The following IQGAP2 variants were observed in gnomAD, a reference collection of about 807,000 sequenced individuals.
The protein encoded by IQGAP2 is IQ motif containing GTPase activating protein 2, also known as ras GTPase-activating-like protein IQGAP2.
Under a neutral mutation model 201.3 loss-of-function variants are expected in IQGAP2, and 173 were observed. The observed-to-expected ratio is 0.86, with a 90% CI of 0.76 to 0.98. IQGAP2 has a LOEUF of 0.98. Among genes scored for constraint, IQGAP2 ranks in the 50% least tolerant of loss-of-function variants. The pLI, the probability that IQGAP2 is intolerant of heterozygous loss-of-function variation, is 0.00. For synonymous variants in IQGAP2, 675 were observed against 673.9 expected (o/e 1.00, Z -0.03); for missense variants, 1,687 against 1,864.8 (o/e 0.90, Z 1.76).
intron 2 of IQGAP2, among the ~76,000 whole-genome samples, chr5:76,511,242 G>A (rs187150038): frequency 2.6e-5 from 4 of 151,596 alleles, no homozygotes; most frequent in Non-Finnish European, 4.4e-5. Flanking sequence ...TTCAACAGCT[G>A]TGTGATGGTA....
At chr5:76,619,677 T>C (rs1433918928) in intron 13 of IQGAP2, among the ~76,000 whole-genome samples, 1 of 152,008 alleles carries the variant, frequency 6.6e-6, no homozygotes, top group Non-Finnish European at 1.5e-5. Flanking sequence ...CCACCAGGCC[T>C]GGCTAATTTT....
intron 10 of IQGAP2, among the ~76,000 whole-genome samples, chr5:76,598,170 A>C (rs181440755): frequency 6.6e-6 from 1 of 152,356 alleles, no homozygotes; most frequent in Admixed American, 6.5e-5. Context: ...TTCAGCATAT[A>C]ACAAGGCTCG....
In IQGAP2 at chr5:76,403,919, G is replaced by T. The variant is rs982694250; in HGVS notation, c.46+328G>T. ...GGGTATCAGGTGAGGAGTCCGCGGA[G>T]CTCCGGGTCGCCGCCGGCTTGGGCC... On this transcript the variant is annotated intron_variant, in intron 1 of 35. Coordinates refer to ENST00000274364, the MANE Select transcript of IQGAP2 (RefSeq NM_006633.5). This position sits in a 1 kb window ranked among gnomAD's most constrained non-coding sequence, Gnocchi z 4.8. Among the ~76,000 whole-genome samples the T allele has an allele frequency of 4.9e-4, 74 of 152,296 alleles. No individual in the cohort carries two copies. The highest frequency in any genetic ancestry group is 9.0e-4 in the Non-Finnish European group (61 of 68,006).
chr5:76,673,618 T>C (rs1402143315), intron 25 of IQGAP2, 29 bp downstream of exon 25: 11 of 1,609,952 alleles, frequency 6.8e-6, no homozygotes, highest in African/African-American at 1.3e-5. Flanking sequence ...AAGTTTAACA[T>C]TCTTTCCTGG....
At chr5:76,706,861 A>T (rs1747949466) in intron 35 of IQGAP2, among the ~76,000 whole-genome samples, 1 of 152,218 alleles carries the variant, frequency 6.6e-6, no homozygotes, top group Non-Finnish European at 1.5e-5. Flanking sequence ...CCCACCAGAG[A>T]GCTACATAAC....
chr5:76,488,711 G>C (rs1421700420), intron 2 of IQGAP2, among the ~76,000 whole-genome samples: 1 of 152,188 alleles, frequency 6.6e-6, no homozygotes, highest in Non-Finnish European at 1.5e-5. Flanking sequence ...GTTGCCTCAA[G>C]GAGAGAGGTT....
Position 76,403,538 on chromosome 5 carries a change from C to G in IQGAP2, c.-8C>G. The G allele has an allele frequency of 6.6e-7, 1 of 1,506,974 alleles. No homozygotes were observed. The highest frequency in any genetic ancestry group is 8.8e-7 in the Non-Finnish European group (1 of 1,134,680). The allele number at this position is 1,506,974 out of a possible 1,614,324, so 93.4% of individuals were successfully genotyped here. A position where few individuals can be genotyped will look rare whatever the true frequency, so the allele number is the denominator to read the frequency against. ...CGCGCCCCGGGCGGGCCCCCGGAGA[C>G]GCGCAGGATGCCACACGAAGAGCTG... is the stretch of plus-strand genomic sequence containing the variant. On this transcript the variant is annotated 5_prime_UTR_variant, in exon 1 of 36. Coordinates refer to ENST00000274364, the MANE Select transcript of IQGAP2 (RefSeq NM_006633.5). The surrounding 1 kb of genome is among the most constrained non-coding windows in gnomAD (Gnocchi z 4.8).
At chr5:76,496,710 T>TTC (rs1279917071) in intron 2 of IQGAP2, among the ~76,000 whole-genome samples, 1 of 16,104 alleles carries the variant, frequency 6.2e-5, no homozygotes, top group Non-Finnish European at 1.3e-4. Flanking sequence ...GTCTCTTTCT[T>TTC]TCTTTCTTTC....
intron 8 of IQGAP2, 88 bp downstream of exon 8, chr5:76,590,674 TAAATC>T (rs1746583058): frequency 2.6e-5 from 26 of 988,590 alleles, no homozygotes; most frequent in Non-Finnish European, 3.8e-5. Flanking sequence ...GCAATACTTT[TAAATC>T]AATTGGCTAT....
At chr5:76,437,062 T>C (rs993829472) in intron 1 of IQGAP2, among the ~76,000 whole-genome samples, 1 of 151,968 alleles carries the variant, frequency 6.6e-6, no homozygotes, top group Admixed American at 6.6e-5. Flanking sequence ...TTATCTTTTT[T>C]TTTTCTTAAG....
chr5:76,424,713 A>G (rs1220696736), intron 1 of IQGAP2, among the ~76,000 whole-genome samples: 1 of 152,052 alleles, frequency 6.6e-6, no homozygotes, highest in African/African-American at 2.4e-5. Flanking sequence ...CAGGGAGCTG[A>G]TTTTCTGGGA....
chr5:76,583,910 T>C (rs1746055297), intron 5 of IQGAP2, among the ~76,000 whole-genome samples: 1 of 152,084 alleles, frequency 6.6e-6, no homozygotes. Context: ...TCTTGCTCTG[T>C]TGCCCAGGAT....
chr5:76,571,693 T>G (rs1488818598), intron 4 of IQGAP2, among the ~76,000 whole-genome samples: 1 of 152,224 alleles, frequency 6.6e-6, no homozygotes, highest in Non-Finnish European at 1.5e-5. Context: ...ATTGTAGAAC[T>G]ATTTTTTTAA....
intron 1 of IQGAP2, among the ~76,000 whole-genome samples, chr5:76,453,824 A>G (rs1753907184): frequency 6.6e-6 from 1 of 152,270 alleles, no homozygotes; most frequent in Non-Finnish European, 1.5e-5. Context: ...CAGTTAAAGC[A>G]TAAAAGGTTC....
chr5:76,589,137 C>G (rs1015951450), intron 6 of IQGAP2, among the ~76,000 whole-genome samples, 164 bp downstream of exon 6: 2 of 151,152 alleles, frequency 1.3e-5, no homozygotes, highest in Admixed American at 6.6e-5. Context: ...CAGTGAAACC[C>G]CGTCTCTACT....
At chr5:76,452,775 A>G (rs1753838792) in intron 1 of IQGAP2, among the ~76,000 whole-genome samples, 1 of 152,150 alleles carries the variant, frequency 6.6e-6, no homozygotes, top group Non-Finnish European at 1.5e-5. Context: ...GAACTTTGGA[A>G]CCAGTTGTTT....
At chr5:76,422,754 A>T (rs968412294) in intron 1 of IQGAP2, among the ~76,000 whole-genome samples, 2 of 152,200 alleles carry the variant, frequency 1.3e-5, no homozygotes, top group African/African-American at 4.8e-5. Flanking sequence ...CAGCTCTAAG[A>T]AGTGGGGACC....
In IQGAP2 at chr5:76,425,448, T is replaced by C. The variant is rs145714889; in HGVS notation, c.46+21857T>C. On this transcript the variant is annotated intron_variant, in intron 1 of 35. Transcript: ENST00000274364. ...TTAAAATAAACTGATTGGTTTATAATGACATGGAGAAATGCTTATTCAGGA... is the reference window on the plus strand; with the variant it reads ...TTAAAATAAACTGATTGGTTTATAACGACATGGAGAAATGCTTATTCAGGA... 8.5e-5 allele frequency among the ~76,000 whole-genome samples: 13 copies of C among 152,296 alleles called. No individual in the cohort carries two copies. The Middle Eastern group carries it at 0.014, about 159-fold the overall frequency.
chr5:76,647,081 A>G (rs1752101712), intron 17 of IQGAP2, among the ~76,000 whole-genome samples: 1 of 152,198 alleles, frequency 6.6e-6, no homozygotes, highest in Non-Finnish European at 1.5e-5. Flanking sequence ...TTAATAATAT[A>G]GTAAGCTTTA....
Sources: gnomAD v4.1 joint callset for allele counts (sites outside exome capture counted in the v4.1 genomes callset) on GRCh38, gnomAD v4.1.1 for gene constraint, Gnocchi (gnomAD v3.1) non-coding constraint, MANE v1.5 for transcripts, NCBI Gene and HGNC (gene_info 2026-07-23, HGNC 2026-07-21) for gene names.